Variants in THSD7B observed in about 807,000 individuals in gnomAD.
THSD7B encodes thrombospondin type 1 domain containing 7B.
In THSD7B, 138 loss-of-function variants were observed where a neutral mutation model predicts 213.6. That is an observed-to-expected ratio of 0.65 (90% CI 0.56 to 0.74). The LOEUF (loss-of-function observed/expected upper bound fraction) is 0.74, where lower values mean the gene tolerates loss of function less well. THSD7B is among the 30% of genes least tolerant of loss of function. The pLI is 0.00. For missense variants in THSD7B, 1,931 were observed against 1,991.5 expected, an observed-to-expected ratio of 0.97 and a Z score of 0.58; for synonymous variants, 742 against 687.0, an observed-to-expected ratio of 1.08 and a Z score of -1.25.
At chr2:137,665,445 G>A (rs1683428336) in intron 26 of THSD7B, among the ~76,000 whole-genome samples, 1 of 151,876 alleles carries the variant, frequency 6.6e-6, no homozygotes, top group African/African-American at 2.4e-5. Flanking sequence ...TTGCATGTGT[G>A]TGTGTGTTTA....
At chr2:137,308,689 G>A (rs533146591) in intron 12 of THSD7B, among the ~76,000 whole-genome samples, 1 of 151,944 alleles carries the variant, frequency 6.6e-6, no homozygotes, top group South Asian at 2.1e-4. Context: ...TTGTTTCATA[G>A]AATTCGTTGA....
At chr2:137,662,135 T>C (rs1683357803) in intron 25 of THSD7B, among the ~76,000 whole-genome samples, 1 of 148,974 alleles carries the variant, frequency 6.7e-6, no homozygotes, top group Non-Finnish European at 1.5e-5. Flanking sequence ...TGATCTTGGC[T>C]CACTGCAACC....
intron 15 of THSD7B, among the ~76,000 whole-genome samples, chr2:137,468,419 ATTG>A (rs1400844020): frequency 2.6e-5 from 4 of 151,808 alleles, no homozygotes; most frequent in African/African-American, 4.8e-5. Flanking sequence ...GTTATTTGCT[ATTG>A]TTCTACTGTT....
At chr2:137,582,897 T>C (rs1406103215) in intron 17 of THSD7B, among the ~76,000 whole-genome samples, 1 of 152,168 alleles carries the variant, frequency 6.6e-6, no homozygotes, top group African/African-American at 2.4e-5. Flanking sequence ...TAGTTCTAGA[T>C]CCCTGAGGAA....
At chr2:137,259,870 G>C (rs1682400474) in intron 10 of THSD7B, among the ~76,000 whole-genome samples, 1 of 151,992 alleles carries the variant, frequency 6.6e-6, no homozygotes, top group African/African-American at 2.4e-5. Context: ...CTAGAACTCA[G>C]AGCACCTATA....
chr2:137,378,273 G>C (rs551206441), intron 12 of THSD7B, among the ~76,000 whole-genome samples: 1 of 152,278 alleles, frequency 6.6e-6, no homozygotes, highest in African/African-American at 2.4e-5. Flanking sequence ...TTCAATATAG[G>C]TTTTAATATT....
At chr2:137,630,058 A>G (rs950954545) in intron 20 of THSD7B, among the ~76,000 whole-genome samples, 1 of 151,994 alleles carries the variant, frequency 6.6e-6, no homozygotes, top group African/African-American at 2.4e-5. Context: ...TAATGGCACA[A>G]TCTTGGCTCA....
At chr2:137,558,592 G>A (rs1681037131) in intron 15 of THSD7B, among the ~76,000 whole-genome samples, 1 of 152,088 alleles carries the variant, frequency 6.6e-6, no homozygotes, top group Non-Finnish European at 1.5e-5. Flanking sequence ...TTATGACAAA[G>A]TCACAGCCAA....
chr2:136,990,066 T>G (rs182621811), intron 2 of THSD7B, among the ~76,000 whole-genome samples: 1 of 152,362 alleles, frequency 6.6e-6, no homozygotes, highest in Admixed American at 6.5e-5. Flanking sequence ...TTTAAATCAT[T>G]GAGTTAGAAA....
chr2:137,664,310 G>A (rs888438371), intron 26 of THSD7B, among the ~76,000 whole-genome samples: 3 of 152,166 alleles, frequency 2.0e-5, no homozygotes, highest in Non-Finnish European at 4.4e-5. Context: ...CTAGTGAAAA[G>A]GTAAAGAGTA....
intron 2 of THSD7B, among the ~76,000 whole-genome samples, chr2:137,020,457 C>T (rs16837880): frequency 2.6e-5 from 4 of 152,136 alleles, no homozygotes; most frequent in African/African-American, 9.7e-5. Context: ...GATCTGATTG[C>T]GGTTCATTTA....
At chr2:137,313,417 G>T (rs994896824) in intron 12 of THSD7B, among the ~76,000 whole-genome samples, 1 of 143,616 alleles carries the variant, frequency 7.0e-6, no homozygotes, top group Non-Finnish European at 1.6e-5. Context: ...ACATGAGATG[G>T]GTTTCCTGAA....
intron 12 of THSD7B, among the ~76,000 whole-genome samples, chr2:137,341,478 T>A: frequency 6.6e-6 from 1 of 151,708 alleles, no homozygotes; most frequent in Non-Finnish European, 1.5e-5. Context: ...TCTTGATGAC[T>A]GCATTTTTGG....
chr2:136,832,233 G>GAT (rs1682769477), intron 1 of THSD7B, among the ~76,000 whole-genome samples: 1 of 151,100 alleles, frequency 6.6e-6, no homozygotes, highest in Admixed American at 6.6e-5. Context: ...AATTGTGTGA[G>GAT]ATACATATAT....
At chr2:137,330,708 A>AAAAG (rs796239292) in intron 12 of THSD7B, among the ~76,000 whole-genome samples, 16 of 152,196 alleles carry the variant, frequency 1.1e-4, no homozygotes, top group African/African-American at 3.9e-4. Flanking sequence ...TACGGCTCAT[A>AAAAG]AAAGCAGTGT....
chr2:137,482,859 G>C (rs1199143508), intron 15 of THSD7B, among the ~76,000 whole-genome samples: 1 of 152,180 alleles, frequency 6.6e-6, no homozygotes, highest in Non-Finnish European at 1.5e-5. Flanking sequence ...CAGGAAGTGG[G>C]TGGGAGATCC....
intron 16 of THSD7B, 25 bp downstream of exon 16, chr2:137,563,379 G>C (rs765721806): frequency 6.2e-7 from 1 of 1,610,374 alleles, no homozygotes; most frequent in Non-Finnish European, 8.5e-7. Flanking sequence ...AGAGATTTGG[G>C]AAATAGGGGG....
chr2:137,529,306 A>G (rs1040154375), intron 15 of THSD7B, among the ~76,000 whole-genome samples: 2 of 152,058 alleles, frequency 1.3e-5, no homozygotes, highest in African/African-American at 4.8e-5. Flanking sequence ...TCATTGTGAC[A>G]AGCATTGGGA....
At chr2:137,331,774 G>C (rs904494350) in intron 12 of THSD7B, among the ~76,000 whole-genome samples, 8 of 152,218 alleles carry the variant, frequency 5.3e-5, no homozygotes, top group African/African-American at 1.2e-4. Flanking sequence ...GCTAAGGCTC[G>C]GTGAGAAATC....
Sources: gnomAD v4.1 joint callset for allele counts (sites outside exome capture counted in the v4.1 genomes callset) on GRCh38, gnomAD v4.1.1 for gene constraint, MANE v1.5 for transcripts, NCBI Gene and HGNC (gene_info 2026-07-23, HGNC 2026-07-21) for gene names.